Variants in SLC25A19 observed in about 807,000 individuals in gnomAD.
The protein encoded by SLC25A19 is mitochondrial thiamine pyrophosphate carrier.
In SLC25A19, 18 loss-of-function variants were observed where a neutral mutation model predicts 27.9. The ratio of observed to expected loss-of-function variants is 0.64; its 90% CI spans 0.45 to 0.96. The LOEUF (loss-of-function observed/expected upper bound fraction) is 0.96, where lower values mean the gene tolerates loss of function less well. SLC25A19 is among the 40% of genes least tolerant of loss of function. The pLI, the probability that SLC25A19 is intolerant of heterozygous loss-of-function variation, is 0.00. For missense variants in SLC25A19, 371 were observed against 418.3 expected, an observed-to-expected ratio of 0.89 and a Z score of 0.99; for synonymous variants, 169 against 167.1, an observed-to-expected ratio of 1.01 and a Z score of -0.09.
At chr17:75,280,008 T>C (rs978541383) in intron 5 of SLC25A19, among the ~76,000 whole-genome samples, 7 of 142,380 alleles carry the variant, frequency 4.9e-5, no homozygotes, top group African/African-American at 1.8e-4. Context: ...CATCAAACTC[T>C]TAAACAAATT....
rs778169453 is a variant in SLC25A19, at chr17:75,283,389, T to C, written c.459+34A>G. The C allele has an allele frequency of 2.5e-6, 4 of 1,608,518 alleles. No homozygotes were observed. In the South Asian group the frequency reaches 3.3e-5, roughly 13 times the overall value. On this transcript the variant is annotated intron_variant, in intron 5 of 7. Coordinates refer to ENST00000416858, the MANE Select transcript of SLC25A19 (RefSeq NM_001126121.2). ...ACCCCTGTGACAACACCTTCCTTAT[T>C]TGGGCTTCCCCGGTCTGGCTCCTGG...
rs973290138 is a variant in SLC25A19, at chr17:75,289,384, C to G, written c.-159G>C. ...TCGGCGGGTGCGGCCCGGCTCAGCG[C>G]TCTCCGCTCTCTCTAGCTCCTCGCG... On this transcript the variant is annotated 5_prime_UTR_variant, in exon 1 of 8. Coordinates refer to ENST00000416858, the MANE Select transcript of SLC25A19 (RefSeq NM_001126121.2). 2 of 150,860 alleles carry G rather than the reference C, an allele frequency of 1.3e-5. No individual in the cohort carries two copies. Among genetic ancestry groups the G allele is most frequent in the Non-Finnish European group, 2.9e-5 (2 of 68,160 alleles). 9.3% of individuals were successfully genotyped at this position (150,860 alleles called of 1,614,324 possible).
chr17:75,284,669 G>T (rs1267316619), intron 4 of SLC25A19, among the ~76,000 whole-genome samples: 6 of 140,852 alleles, frequency 4.3e-5, no homozygotes, highest in African/African-American at 1.6e-4. Context: ...AGGGACAAGA[G>T]TGTCTCTCTG....
intron 4 of SLC25A19, among the ~76,000 whole-genome samples, chr17:75,284,051 T>A (rs553249423): frequency 2.6e-5 from 4 of 151,120 alleles, no homozygotes; most frequent in Non-Finnish European, 5.9e-5. Flanking sequence ...GAGGCAGAGC[T>A]GCACTGAGCC....
intron 7 of SLC25A19, among the ~76,000 whole-genome samples, chr17:75,274,705 G>A (rs1249260599): frequency 1.3e-5 from 2 of 152,106 alleles, no homozygotes; most frequent in Non-Finnish European, 2.9e-5. Flanking sequence ...TACTTGGGAG[G>A]CTGAGAGGGG....
chr17:75,285,895 C>T (rs963775581), intron 4 of SLC25A19, among the ~76,000 whole-genome samples: 2 of 152,200 alleles, frequency 1.3e-5, no homozygotes, highest in African/African-American at 2.4e-5. Context: ...CATGTGCAGG[C>T]TGTGTGGCCT....
rs550707138 is a variant in SLC25A19 at position 75,273,706 on chromosome 17, A to G, written c.775-67T>C. The G allele has an allele frequency of 3.7e-5, 52 of 1,410,766 alleles. No individual in the cohort carries two copies. The South Asian group carries it at 4.4e-4, about 12-fold the overall frequency. 87.4% of individuals were successfully genotyped at this position (1,410,766 alleles called of 1,614,324 possible). ...CTCCCATCAACACAGCCCCTGGCACATCACAGATCTTAAGAAGTACTTGCT... is the reference window on the plus strand; with the variant it reads ...CTCCCATCAACACAGCCCCTGGCACGTCACAGATCTTAAGAAGTACTTGCT... On this transcript the variant is annotated intron_variant, in intron 7 of 7. Transcript: ENST00000416858.
chr17:75,284,359 C>T (rs1598194276), intron 4 of SLC25A19, among the ~76,000 whole-genome samples: 1 of 152,056 alleles, frequency 6.6e-6, no homozygotes, highest in African/African-American at 2.4e-5. Context: ...GCTGAGATTG[C>T]GCCACTGCAC....
In SLC25A19 at chr17:75,273,499, G is replaced by T; in HGVS notation, c.915C>A (p.Phe305Leu). 1 of 1,614,218 alleles carries T rather than the reference G, an allele frequency of 6.2e-7. No homozygotes were observed. Among genetic ancestry groups the T allele is most frequent in the Non-Finnish European group, 8.5e-7 (1 of 1,180,050 alleles). ...TCATGCAGTGGAAGACATTACAGAA[G>T]AATTCATACGAGAAGAACATGAAGC... is the stretch of plus-strand genomic sequence containing the variant. ...STGFMFFSYEFFCNVFHCMNR... is the reference protein window; with the variant it reads ...STGFMFFSYELFCNVFHCMNR... Residue 305 changes from phenylalanine (F) to leucine (L), a missense_variant, in exon 8 of 8, where the codon TTC (phenylalanine) becomes TTA (leucine). Physicochemically the swap from Phe to Leu is conservative, Grantham distance 22. Transcript: ENST00000416858.
At chr17:75,282,944 C>T (rs1035664464) in intron 5 of SLC25A19, among the ~76,000 whole-genome samples, 2 of 151,396 alleles carry the variant, frequency 1.3e-5, no homozygotes, top group Middle Eastern at 3.4e-3. Context: ...AAAAATAGAT[C>T]GCACCACTGC....
At chr17:75,283,316 G>A in intron 5 of SLC25A19, 107 bp downstream of exon 5, 1 of 1,266,590 alleles carries the variant, frequency 7.9e-7, no homozygotes, top group Non-Finnish European at 1.1e-6. Flanking sequence ...AAACAAAACA[G>A]AACAAAACAA....
chr17:75,273,697 C>T lies in SLC25A19; in HGVS notation c.775-58G>A, dbSNP rs574055777. ...CCCGCTCTGCTCCCATCAACACAGCCCCTGGCACATCACAGATCTTAAGAA... is the reference window on the plus strand; with the variant it reads ...CCCGCTCTGCTCCCATCAACACAGCTCCTGGCACATCACAGATCTTAAGAA... On this transcript the variant is annotated intron_variant, in intron 7 of 7. Transcript: ENST00000416858. The T allele has an allele frequency of 5.2e-5, 77 of 1,473,336 alleles. 1 individual carries two copies. In the African/African-American group the frequency reaches 9.0e-4, roughly 17 times the overall value. 91.3% of individuals were successfully genotyped at this position (1,473,336 alleles called of 1,614,324 possible).
chr17:75,282,028 G>C (rs185157623), intron 5 of SLC25A19, among the ~76,000 whole-genome samples: 1 of 152,312 alleles, frequency 6.6e-6, no homozygotes, highest in Non-Finnish European at 1.5e-5. Context: ...CCAGCATTTT[G>C]GGAGGCCGAG....
Position 75,285,341 on chromosome 17 carries a change from C to T in SLC25A19, c.288+963G>A, listed in dbSNP as rs978035060. Among the ~76,000 whole-genome samples, 7 of 152,156 alleles carry T rather than the reference C, an allele frequency of 4.6e-5. No homozygotes were observed. The East Asian group carries it at 1.2e-3, about 25-fold the overall frequency. Reference sequence around the variant, plus strand: ...CCAGGCTGAAGTGCAGTGGCATGATCGTGGCTCACTGCAGCCTCCGCCTCC... The same window carrying T: ...CCAGGCTGAAGTGCAGTGGCATGATTGTGGCTCACTGCAGCCTCCGCCTCC... On this transcript the variant is annotated intron_variant, in intron 4 of 7. Coordinates refer to ENST00000416858, the MANE Select transcript of SLC25A19 (RefSeq NM_001126121.2).
chr17:75,273,442 TTCCTGCACTCAGCGCTGGCTGGCTG>T lies in SLC25A19; in HGVS notation c.947_*8del. ...TGCCTCCAGGGAAGACCTGGGGTCC[TTCCTGCACTCAGCGCTGGCTGGCTG>T]TCCTGTTCATGCAGTGGAAGACATT... is the stretch of plus-strand genomic sequence containing the variant. On this transcript the variant is annotated stop_lost and 3_prime_UTR_variant, in exon 8 of 8. Coordinates refer to ENST00000416858, the MANE Select transcript of SLC25A19 (RefSeq NM_001126121.2). 6.2e-7 allele frequency: 1 copy of T among 1,613,232 alleles called. No individual in the cohort carries two copies. The highest frequency in any genetic ancestry group is 1.1e-5 in the South Asian group (1 of 91,050).
chr17:75,281,262 G>T (rs981176880), intron 5 of SLC25A19, among the ~76,000 whole-genome samples: 6 of 152,082 alleles, frequency 3.9e-5, no homozygotes, highest in Non-Finnish European at 5.9e-5. Flanking sequence ...ACATACATAT[G>T]ATGCTATTCT....
At position 75,278,331 on chromosome 17, in the gene SLC25A19, T is replaced by G. The variant is rs376716363; in HGVS notation, c.464A>C (p.Tyr155Ser). The G allele has an allele frequency of 6.2e-7, 1 of 1,613,944 alleles. No homozygotes were observed. Among genetic ancestry groups the G allele is most frequent in the Non-Finnish European group, 8.5e-7 (1 of 1,180,006 alleles). ...RFAAQGEPKVYNTLRHAVGTM... is the reference protein window; with the variant it reads ...RFAAQGEPKVSNTLRHAVGTM... ...CCCCACGGCGTGGCGCAGCGTATTA[T>G]AGACCTGGACACACACACGCACTTT... Residue 155 changes from tyrosine to serine, a missense_variant, in exon 6 of 8, where the codon TAT (tyrosine) becomes TCT (serine). Tyr to Ser is a moderately radical substitution (Grantham distance 144, BLOSUM62 -2). Transcript: ENST00000416858.
intron 7 of SLC25A19, among the ~76,000 whole-genome samples, chr17:75,274,338 T>C (rs545322807): frequency 6.6e-6 from 1 of 152,158 alleles, no homozygotes; most frequent in South Asian, 2.1e-4. Context: ...CCTCACCCTC[T>C]CCAGCTGACC....
At chr17:75,276,841 A>C (rs1418921958) in intron 7 of SLC25A19, among the ~76,000 whole-genome samples, 2 of 96,966 alleles carry the variant, frequency 2.1e-5, no homozygotes, top group Non-Finnish European at 4.6e-5. Context: ...CGCCCGGCTA[A>C]TTTTTTTGTT....
Sources: gnomAD v4.1 joint callset for allele counts (sites outside exome capture counted in the v4.1 genomes callset) on GRCh38, gnomAD v4.1.1 for gene constraint, MANE v1.5 for transcripts, NCBI Gene and HGNC (gene_info 2026-07-23, HGNC 2026-07-21) for gene names.